The following TKT variants were observed in gnomAD, a reference collection of about 807,000 sequenced individuals.
TKT encodes the protein epididymis luminal protein 107.
In TKT, 47 loss-of-function variants were observed where a neutral mutation model predicts 63.9. That is an observed-to-expected ratio of 0.74 (90% confidence interval 0.58 to 0.94). The LOEUF (loss-of-function observed/expected upper bound fraction) is 0.94, where lower values mean the gene tolerates loss of function less well. TKT is among the 40% of genes least tolerant of loss of function. The pLI is 0.00. For missense variants in TKT, 721 were observed against 846.2 expected (o/e 0.85, Z 1.84); for synonymous variants, 338 against 334.1 (o/e 1.01, Z -0.13).
At chr3:53,251,258 C>G (rs1705734629) in intron 1 of TKT, among the ~76,000 whole-genome samples, 1 of 152,238 alleles carries the variant, frequency 6.6e-6, no homozygotes, top group South Asian at 2.1e-4. Context: ...GTGATGGAGT[C>G]CTCAGATGAC....
chr3:53,244,885 CAAA>C (rs11297416), intron 1 of TKT, among the ~76,000 whole-genome samples: 25 of 117,356 alleles, frequency 2.1e-4, no homozygotes, highest in East Asian at 2.9e-4. Flanking sequence ...CTTGACTGTT[CAAA>C]AAAAAAAAAA....
At position 53,242,141 on chromosome 3, in the gene TKT, C is replaced by T. The variant is rs199716820; in HGVS notation, c.209G>A (p.Arg70His). The T allele has an allele frequency of 1.7e-5, 27 of 1,613,874 alleles. No homozygotes were observed. The highest frequency in any genetic ancestry group is 2.2e-5 in the South Asian group (2 of 91,076). The change falls in exon 2 of 14, where the codon CGC (arginine) becomes CAC (histidine). Residue 70 changes from arginine (R) to histidine (H), a missense_variant. Physicochemically the swap from Arg to His is conservative, Grantham distance 29. Transcript: ENST00000462138. The part of the protein sequence containing the change: ...SQDPRNPHND[R>H]FVLSKGHAAP... ...GGCTCTTACCTTGGAGAGCACAAAG[C>T]GGTCATTGTGCGGATTCCGGGGGTC...
chr3:53,255,649 G>C (rs1346107450), intron 1 of TKT, among the ~76,000 whole-genome samples, 187 bp downstream of exon 1: 6 of 152,028 alleles, frequency 3.9e-5, no homozygotes, highest in Admixed American at 2.6e-4. Context: ...GCGAGTGTGC[G>C]GCGCAGCGGA....
At position 53,225,813 on chromosome 3, in the gene TKT, A is replaced by G. The variant is rs1553675334; in HGVS notation, c.1815T>C (p.Phe605=). Residue 605 remains phenylalanine, a synonymous_variant, in exon 14 of 14, where the codon TTT becomes TTC. Coordinates refer to ENST00000462138, the MANE Select transcript of TKT (RefSeq NM_001064.4). ...GTGCAATGGCATCCCTGTCGATACC[A>G]AACATCTTCAGCAGCTCAGCCGGCT... The part of the protein sequence containing the change: ...SGKPAELLKM[F]GIDRDAIAQA... 1.9e-6 allele frequency: 3 copies of G among 1,613,938 alleles called. No individual in the cohort carries two copies.
intron 1 of TKT, among the ~76,000 whole-genome samples, 182 bp from the exon 2 acceptor site, chr3:53,242,424 T>C (rs1705322012): frequency 6.6e-6 from 1 of 152,180 alleles, no homozygotes. Flanking sequence ...AGGCCACTCC[T>C]GGCAGTTTGG....
Position 53,226,862 on chromosome 3 carries a change from G to T in TKT, c.1590C>A (p.Arg530=). The change falls in exon 13 of 14, where the codon CGC becomes CGA. Residue 530 remains arginine (R), a synonymous_variant. Transcript: ENST00000462138. ...ELLKKEKINI[R]VLDPFTIKPL... is the part of the protein sequence containing the mutation. The stretch of plus-strand genomic sequence containing the variant: ...GCTTGATGGTGAAGGGGTCCAGCAC[G>T]CGGATGTTGATCTTTTCTGTGAGGG... 1 of 1,610,820 alleles carries T rather than the reference G, an allele frequency of 6.2e-7. No homozygotes were observed. Among genetic ancestry groups the T allele is most frequent in the South Asian group, 1.1e-5 (1 of 90,664 alleles).
chr3:53,226,913 G>C, intron 12 of TKT, 35 bp from the exon 13 acceptor site: 1 of 1,570,396 alleles, frequency 6.4e-7, no homozygotes, highest in East Asian at 2.3e-5. Flanking sequence ...GCTGAGGGGA[G>C]GGCTGGGCAC....
intron 1 of TKT, 149 bp downstream of exon 1, chr3:53,255,687 G>A (rs1429129594): frequency 9.9e-6 from 4 of 403,998 alleles, no homozygotes; most frequent in Non-Finnish European, 1.6e-5. Context: ...GGCCCTGCGA[G>A]GCGCGCGTCT....
chr3:53,247,633 CAAAA>C (rs3075723), intron 1 of TKT, among the ~76,000 whole-genome samples: 2 of 66,984 alleles, frequency 3.0e-5, no homozygotes, highest in Non-Finnish European at 2.6e-5. Context: ...GACTCCACCT[CAAAA>C]AAAAAAAAAA....
At chr3:53,243,158 A>T (rs1433434472) in intron 1 of TKT, among the ~76,000 whole-genome samples, 1 of 152,008 alleles carries the variant, frequency 6.6e-6, no homozygotes, top group East Asian at 1.9e-4. Flanking sequence ...GACTTGTTTT[A>T]ATCACTGAGC....
intron 1 of TKT, among the ~76,000 whole-genome samples, chr3:53,249,194 T>C (rs1553681336): frequency 1.4e-5 from 2 of 147,916 alleles, no homozygotes; most frequent in Admixed American, 6.8e-5. Flanking sequence ...TGTCTCGAAC[T>C]CCTGACCTCA....
chr3:53,250,000 T>C (rs1185025221), intron 1 of TKT, among the ~76,000 whole-genome samples: 3 of 152,144 alleles, frequency 2.0e-5, no homozygotes, highest in African/African-American at 7.2e-5. Context: ...TTAGAGTCCA[T>C]AGGAAGCCAC....
In TKT at chr3:53,225,735, G is replaced by T. The variant is rs2229693; in HGVS notation, c.*21C>A. On this transcript the variant is annotated 3_prime_UTR_variant, in exon 14 of 14. Transcript: ENST00000462138. Reference sequence around the variant, plus strand: ...GAATCTCAGGAATGTATAGACCCCCGCCCCACACTTCATACCCGCCCTAGG... The same window carrying T: ...GAATCTCAGGAATGTATAGACCCCCTCCCCACACTTCATACCCGCCCTAGG... 2 of 1,588,534 alleles carry T rather than the reference G, an allele frequency of 1.3e-6. No homozygotes were observed. Among genetic ancestry groups the T allele is most frequent in the African/African-American group, 2.7e-5 (2 of 74,446 alleles).
intron 1 of TKT, chr3:53,243,567 T>C (rs1705378721): frequency 1.1e-5 from 5 of 456,430 alleles, no homozygotes; most frequent in Non-Finnish European, 2.2e-5. Flanking sequence ...TCGCACACGA[T>C]CATCTTATAC....
At chr3:53,241,686 C>T (rs1169128740) in intron 2 of TKT, among the ~76,000 whole-genome samples, 1 of 152,150 alleles carries the variant, frequency 6.6e-6, no homozygotes, top group African/African-American at 2.4e-5. Flanking sequence ...GTCAGGGGGT[C>T]CCCATCCAAA....
intron 12 of TKT, chr3:53,227,838 G>A: frequency 1.9e-6 from 1 of 519,384 alleles, no homozygotes; most frequent in Non-Finnish European, 3.5e-6. Context: ...TCATAGGGTA[G>A]GGACTGTGGG....
At chr3:53,229,480 G>A (rs1447270164) in intron 8 of TKT, 44 bp from the exon 9 acceptor site, 6 of 1,566,908 alleles carry the variant, frequency 3.8e-6, no homozygotes, top group Non-Finnish European at 5.2e-6. Flanking sequence ...GGCAGGCAGA[G>A]GGTGGTCGGG....
In TKT at chr3:53,255,952, G is replaced by T; in HGVS notation, c.-10C>A. ...TGTGGTAGCTCTCCATGGTGCGGCAGGCGGGGACCGGGCGCACACGCGGAC... is the reference window on the plus strand; with the variant it reads ...TGTGGTAGCTCTCCATGGTGCGGCATGCGGGGACCGGGCGCACACGCGGAC... On this transcript the variant is annotated 5_prime_UTR_variant, in exon 1 of 14. It adds an upstream start codon to the 5' untranslated region. Transcript: ENST00000462138. 1 of 1,507,540 alleles carries T rather than the reference G, an allele frequency of 6.6e-7. No individual in the cohort carries two copies. The highest frequency in any genetic ancestry group is 8.9e-7 in the Non-Finnish European group (1 of 1,123,226). The allele number at this position is 1,507,540 out of a possible 1,614,324, so 93.4% of individuals were successfully genotyped here. A position where few individuals can be genotyped will look rare whatever the true frequency, so the allele number is the denominator to read the frequency against.
chr3:53,244,186 C>T (rs932486512), intron 1 of TKT, among the ~76,000 whole-genome samples: 7 of 152,216 alleles, frequency 4.6e-5, no homozygotes, highest in African/African-American at 1.7e-4. Flanking sequence ...CTGCATCCAG[C>T]CTGCTGCGGC....
Sources: gnomAD v4.1 joint callset for allele counts (sites outside exome capture counted in the v4.1 genomes callset) on GRCh38, gnomAD v4.1.1 for gene constraint, MANE v1.5 for transcripts, NCBI Gene and HGNC (gene_info 2026-07-23, HGNC 2026-07-21) for gene names.